The following GOLGA8B variants were observed in gnomAD, a reference collection of about 807,000 sequenced individuals.
GOLGA8B encodes golgin subfamily A member 8B.
GOLGA8B carries 1 observed loss-of-function variant against 15.6 expected under a neutral mutation model. The observed-to-expected ratio is 0.06, with a 90% confidence interval of 0.02 to 0.30. GOLGA8B has a LOEUF of 0.30. Among genes scored for constraint, GOLGA8B ranks in the 10% least tolerant of loss-of-function variants. The probability of loss-of-function intolerance (pLI) is 1.00; values close to 1 mark genes in which losing one functional copy is unlikely to be tolerated. For synonymous variants in GOLGA8B, 9 were observed against 80.3 expected (o/e 0.11, Z 4.75); for missense variants, 17 against 201.3 (o/e 0.08, Z 5.54).
At chr15:34,542,610 A>G (rs1368894761) in intron 7 of GOLGA8B, among the ~76,000 whole-genome samples, 5 of 152,270 alleles carry the variant, frequency 3.3e-5, no homozygotes, top group Non-Finnish European at 1.5e-5. Context: ...TAGGTACATA[A>G]AATATGAAAA....
chr15:34,569,368 C>A (rs1468275065), intron 1 of GOLGA8B, among the ~76,000 whole-genome samples: 12 of 152,048 alleles, frequency 7.9e-5, no homozygotes, highest in African/African-American at 2.9e-4. Context: ...CCTCTCCCCT[C>A]CATCACACTT....
At chr15:34,571,954 T>C (rs1272422579) in intron 1 of GOLGA8B, among the ~76,000 whole-genome samples, 1 of 152,116 alleles carries the variant, frequency 6.6e-6, no homozygotes, top group Non-Finnish European at 1.5e-5. Flanking sequence ...CAAGAACACC[T>C]AGAAATCAAC....
At chr15:34,573,570 A>G (rs913725924) in intron 1 of GOLGA8B, among the ~76,000 whole-genome samples, 5 of 149,868 alleles carry the variant, frequency 3.3e-5, no homozygotes, top group Non-Finnish European at 7.4e-5. Flanking sequence ...AAAATTCACC[A>G]GAAGTTCCCA....
intron 1 of GOLGA8B, among the ~76,000 whole-genome samples, chr15:34,562,689 A>T (rs1451575523): frequency 2.5e-5 from 3 of 118,870 alleles, no homozygotes; most frequent in East Asian, 4.4e-4. Flanking sequence ...TCTTTTTTAA[A>T]ATGCCCCCTT....
chr15:34,580,348 C>T (rs1383955331), intron 1 of GOLGA8B, among the ~76,000 whole-genome samples: 1 of 152,274 alleles, frequency 6.6e-6, no homozygotes, highest in Admixed American at 6.5e-5. Flanking sequence ...GGAGGGAGCA[C>T]TGGAAAGCCA....
chr15:34,561,288 A>G (rs1888620017), intron 1 of GOLGA8B, among the ~76,000 whole-genome samples: 1 of 150,252 alleles, frequency 6.7e-6, no homozygotes, highest in Non-Finnish European at 1.5e-5. Flanking sequence ...TGCTTCTCCC[A>G]TTATTTTTAA....
At chr15:34,561,415 C>T (rs1888623885) in intron 1 of GOLGA8B, among the ~76,000 whole-genome samples, 1 of 147,162 alleles carries the variant, frequency 6.8e-6, no homozygotes, top group East Asian at 2.0e-4. Flanking sequence ...ATTTTCACTG[C>T]CCCCAGAGGA....
At chr15:34,582,160 G>A (rs1889254324) in intron 1 of GOLGA8B, among the ~76,000 whole-genome samples, 1 of 152,130 alleles carries the variant, frequency 6.6e-6, no homozygotes, top group Admixed American at 6.6e-5. Context: ...TCCCCGGACT[G>A]GGAAACCCAG....
In GOLGA8B at chr15:34,556,973, A is replaced by G. The variant is rs1299317561; in HGVS notation, c.-1122-3017T>C. ...AGCTCTTCATTGGTCCAGTTGGGAG[A>G]CATGTTGCGTGGATGCTCCGGCCAC... On this transcript the variant is annotated intron_variant, in intron 1 of 23. Coordinates refer to ENST00000683415, the MANE Select transcript of GOLGA8B (RefSeq NM_001023567.5). 2.4e-4 allele frequency among the ~76,000 whole-genome samples: 36 copies of G among 148,200 alleles called. 1 individual carries two copies. Among genetic ancestry groups the G allele is most frequent in the Admixed American group, 2.0e-3 (30 of 14,762 alleles).
chr15:34,583,371 C>G (rs2140360731), intron 1 of GOLGA8B, 145 bp downstream of exon 1: 2 of 152,098 alleles, frequency 1.3e-5, no homozygotes, highest in Non-Finnish European at 2.9e-5. Context: ...TCCCCGCAGC[C>G]CCGCCGAGTC....
chr15:34,582,471 C>T (rs1407745781), intron 1 of GOLGA8B, among the ~76,000 whole-genome samples: 2 of 152,242 alleles, frequency 1.3e-5, no homozygotes, highest in African/African-American at 4.8e-5. Context: ...AAGTGCCAGA[C>T]GCAAGATGCG....
chr15:34,528,129 GCCCAC>G (rs1357056530), intron 22 of GOLGA8B, 52 bp from the exon 23 acceptor site: 29 of 470,214 alleles, frequency 6.2e-5, no homozygotes, highest in Non-Finnish European at 8.0e-5. Flanking sequence ...CCACCCTCAT[GCCCAC>G]CCCACCCACA....
chr15:34,568,987 G>T (rs1419376096), intron 1 of GOLGA8B, among the ~76,000 whole-genome samples: 1 of 149,992 alleles, frequency 6.7e-6, no homozygotes, highest in Non-Finnish European at 1.5e-5. Context: ...TGATTCTGCA[G>T]GCATTCTACA....
intron 1 of GOLGA8B, among the ~76,000 whole-genome samples, chr15:34,583,299 G>A (rs555873107): frequency 6.6e-6 from 1 of 152,092 alleles, no homozygotes; most frequent in Non-Finnish European, 1.5e-5. Context: ...CGTGGGAGGA[G>A]GATGGGCCGG....
chr15:34,583,543 C>A lies in GOLGA8B; in HGVS notation c.-1150G>T. On this transcript the variant is annotated 5_prime_UTR_variant, in exon 1 of 24. Coordinates refer to ENST00000683415, the MANE Select transcript of GOLGA8B (RefSeq NM_001023567.5). Reference sequence around the variant, plus strand: ...GGCCAGGGCGCGGGGCTGCCCCGGTCCGCCGCCGTCCTCGCCCCGCAGCCG... The same window carrying A: ...GGCCAGGGCGCGGGGCTGCCCCGGTACGCCGCCGTCCTCGCCCCGCAGCCG... The A allele has an allele frequency of 6.6e-6, 1 of 151,042 alleles. No individual in the cohort carries two copies. The highest frequency in any genetic ancestry group is 2.1e-4 in the South Asian group (1 of 4,804). 9.4% of individuals were successfully genotyped at this position (151,042 alleles called of 1,614,324 possible). A position where few individuals can be genotyped will look rare whatever the true frequency, so the allele number is the denominator to read the frequency against.
intron 1 of GOLGA8B, among the ~76,000 whole-genome samples, chr15:34,572,225 G>A (rs1187698993): frequency 1.3e-5 from 2 of 152,190 alleles, no homozygotes; most frequent in Non-Finnish European, 2.9e-5. Flanking sequence ...CATTTAGAAT[G>A]GTCACCACCT....
chr15:34,568,158 G>T (rs1888814657), intron 1 of GOLGA8B, among the ~76,000 whole-genome samples: 1 of 149,450 alleles, frequency 6.7e-6, no homozygotes, highest in South Asian at 2.2e-4. Flanking sequence ...AGGAGGCAAG[G>T]TTCCAGACAA....
At chr15:34,554,339 T>A (rs75910650) in intron 1 of GOLGA8B, among the ~76,000 whole-genome samples, 8 of 152,182 alleles carry the variant, frequency 5.3e-5, no homozygotes, top group African/African-American at 1.9e-4. Context: ...GCAGTGCACA[T>A]GTGTGCATGT....
intron 1 of GOLGA8B, among the ~76,000 whole-genome samples, chr15:34,566,915 C>A (rs1443153446): frequency 8.2e-6 from 1 of 121,920 alleles, no homozygotes; most frequent in Non-Finnish European, 1.7e-5. Flanking sequence ...AAATAGAAAA[C>A]ACACCATCGG....
Sources: gnomAD v4.1 joint callset for allele counts (sites outside exome capture counted in the v4.1 genomes callset) on GRCh38, gnomAD v4.1.1 for gene constraint, MANE v1.5 for transcripts, NCBI Gene and HGNC (gene_info 2026-07-23, HGNC 2026-07-21) for gene names.